The following AGRN variants were observed in gnomAD, a reference collection of about 807,000 sequenced individuals.
AGRN encodes agrin proteoglycan.
AGRN carries 106 observed loss-of-function variants against 211.0 expected under a neutral mutation model. That is an observed-to-expected ratio of 0.50 (90% CI 0.43 to 0.59). AGRN has a LOEUF of 0.59. Among genes scored for constraint, AGRN ranks in the 20% least tolerant of loss-of-function variants. The pLI, the probability that AGRN is intolerant of heterozygous loss-of-function variation, is 0.00. For synonymous variants in AGRN, 1,525 were observed against 1,332.5 expected (o/e 1.14, Z -3.15); for missense variants, 3,040 against 2,982.6 (o/e 1.02, Z -0.45).
rs1299760002 is a variant in AGRN, at chr1:1,052,162, G to A, written c.5651+347G>A. 2.2e-5 allele frequency: 23 copies of A among 1,046,660 alleles called. No homozygotes were observed. In the East Asian group the frequency reaches 5.7e-4, roughly 26 times the overall value. 64.8% of individuals were successfully genotyped at this position (1,046,660 alleles called of 1,614,324 possible). ...CGGCGCTATTTGGCTGCAAGAGGCC[G>A]TTTCCTGCCTCAGAAGTGCAGTCGC... On this transcript the variant is annotated intron_variant, in intron 33 of 35. Coordinates refer to ENST00000379370, the MANE Select transcript of AGRN (RefSeq NM_198576.4).
chr1:1,043,003 G>A (rs1266374468), intron 7 of AGRN, among the ~76,000 whole-genome samples: 4 of 152,032 alleles, frequency 2.6e-5, no homozygotes, highest in Non-Finnish European at 5.9e-5. Flanking sequence ...GAAGCCCCAA[G>A]CTTGGGGGCA....
At chr1:1,050,128 C>A in intron 27 of AGRN, 91 bp downstream of exon 27, 1 of 1,581,446 alleles carries the variant, frequency 6.3e-7, no homozygotes, top group Non-Finnish European at 8.7e-7. Flanking sequence ...AGTTAGGATG[C>A]GGCTCAGTCT....
chr1:1,053,993 A>G lies in AGRN; in HGVS notation c.5876+16A>G. On this transcript the variant is annotated intron_variant, in intron 34 of 35. Coordinates refer to ENST00000379370, the MANE Select transcript of AGRN (RefSeq NM_198576.4). ...TGGCACATAGGTGAGTAGGGAACCC[A>G]GCGTGCCGAGAATAGTGGCGAGGGC... The G allele has an allele frequency of 6.3e-7, 1 of 1,579,856 alleles. No individual in the cohort carries two copies. The highest frequency in any genetic ancestry group is 8.6e-7 in the Non-Finnish European group (1 of 1,163,358).
At chr1:1,030,849 G>A (rs1570158558) in intron 2 of AGRN, among the ~76,000 whole-genome samples, 3 of 108,672 alleles carry the variant, frequency 2.8e-5, no homozygotes, top group African/African-American at 1.2e-4. Flanking sequence ...TGAGATCAGC[G>A]TGTGTGTGTG....
At chr1:1,044,684 T>A (rs112924463) in intron 12 of AGRN, among the ~76,000 whole-genome samples, 3 of 152,256 alleles carry the variant, frequency 2.0e-5, no homozygotes, top group African/African-American at 7.2e-5. Context: ...GCGTGAACCA[T>A]GCGGGGCCCC....
In AGRN at chr1:1,047,231, C is replaced by T. The variant is rs576097835; in HGVS notation, c.3389-96C>T. ...GACCATCTGACTAACATCCACCTTC[C>T]CTTGCACCCTTGTGGCTTGCTGCTG... On this transcript the variant is annotated intron_variant, in intron 19 of 35. Transcript: ENST00000379370. The T allele has an allele frequency of 7.9e-6, 12 of 1,517,322 alleles. 1 individual carries two copies. The South Asian group carries it at 1.5e-4, about 19-fold the overall frequency. The allele number at this position is 1,517,322 out of a possible 1,614,324, so 94.0% of individuals were successfully genotyped here. A position where few individuals can be genotyped will look rare whatever the true frequency, so the allele number is the denominator to read the frequency against.
intron 17 of AGRN, 50 bp downstream of exon 17, chr1:1,046,315 T>C: frequency 6.2e-7 from 1 of 1,611,296 alleles, no homozygotes; most frequent in Non-Finnish European, 8.5e-7. Context: ...GGCCTGACGC[T>C]GCCCTAAATC....
intron 22 of AGRN, 55 bp downstream of exon 22, chr1:1,047,950 CT>C: frequency 3.2e-6 from 5 of 1,582,192 alleles, no homozygotes; most frequent in Non-Finnish European, 4.3e-6. Flanking sequence ...GCCCATGCCC[CT>C]GCCCCTCACC....
In AGRN at chr1:1,049,046, C is replaced by A. The variant is rs201346452; in HGVS notation, c.4285C>A (p.Arg1429Ser). 3 of 1,555,718 alleles carry A rather than the reference C, an allele frequency of 1.9e-6. No homozygotes were observed. Among genetic ancestry groups the A allele is most frequent in the Non-Finnish European group, 2.6e-6 (3 of 1,153,574 alleles). Reference protein sequence around the residue: ...DFLALALLDGRVQLRFDTGSG... With the variant: ...DFLALALLDGSVQLRFDTGSG... ...CCTGGCATTGGCGCTGCTAGATGGC[C>A]GCGTGCAGCTCAGGTGGGCGGGGAG... Residue 1429 changes from arginine to serine, a missense_variant, in exon 24 of 36, where the codon CGC (arginine) becomes AGC (serine). Physicochemically the swap from Arg to Ser is moderately radical, Grantham distance 110 (BLOSUM62 -1). Around this residue, in one of 3 missense-constraint regions of AGRN, gnomAD observed 1,537 missense variants for 1,505.0 expected, o/e 1.02. Coordinates refer to ENST00000379370, the MANE Select transcript of AGRN (RefSeq NM_198576.4).
At chr1:1,034,843 C>A in intron 2 of AGRN, 1 of 467,970 alleles carries the variant, frequency 2.1e-6, no homozygotes, top group Non-Finnish European at 3.0e-6. Context: ...GCGGACCCCT[C>A]GGTCCCTGGA....
rs1427729265 is a variant in AGRN, at chr1:1,054,915, G to A, written c.6072G>A (p.Arg2024=). Residue 2024 remains arginine (R), a synonymous_variant, in exon 36 of 36, where the codon CGG becomes CGA. Coordinates refer to ENST00000379370, the MANE Select transcript of AGRN (RefSeq NM_198576.4). The part of the protein sequence containing the change: ...VGCLRDVVVG[R]HPLHLLEDAV... ...GCTTGCGGGACGTGGTGGTGGGCCG[G>A]CACCCGCTGCACCTGCTGGAGGACG... is the stretch of plus-strand genomic sequence containing the variant. 1 of 1,548,390 alleles carries A rather than the reference G, an allele frequency of 6.5e-7. No individual in the cohort carries two copies.
At chr1:1,044,285 GGGCGGCGGGGACGGGGCTGC>G in intron 11 of AGRN, 28 bp downstream of exon 11, 1 of 1,612,464 alleles carries the variant, frequency 6.2e-7, no homozygotes, top group South Asian at 1.1e-5. Flanking sequence ...GGCTCTCGGC[GGGCGGCGGGGACGGGGCTGC>G]GGCCGCTCAC....
Position 1,041,632 on chromosome 1 carries a change from C to T in AGRN, c.1107C>T (p.Val369=), listed in dbSNP as rs369413947. Reference sequence around the variant, plus strand: ...GAGTCACCTACGAAAACGACTGTGTCATGGGCCGATCGGGGGCCGCCCGGG... The same window carrying T: ...GAGTCACCTACGAAAACGACTGTGTTATGGGCCGATCGGGGGCCGCCCGGG... The part of the protein sequence containing the change: ...DDGVTYENDC[V]MGRSGAARGL... Residue 369 remains valine (V), a synonymous_variant, in exon 6 of 36, where the codon GTC becomes GTT. Coordinates refer to ENST00000379370, the MANE Select transcript of AGRN (RefSeq NM_198576.4). The T allele has an allele frequency of 4.8e-4, 768 of 1,611,224 alleles. 3 individuals carry two copies. The highest frequency in any genetic ancestry group is 5.9e-4 in the Non-Finnish European group (701 of 1,179,184).
At chr1:1,023,688 G>A (rs1425335594) in intron 2 of AGRN, among the ~76,000 whole-genome samples, 1 of 152,178 alleles carries the variant, frequency 6.6e-6, no homozygotes, top group Non-Finnish European at 1.5e-5. Flanking sequence ...CCGAGAGTCC[G>A]TGACTTAGTA....
chr1:1,051,514 C>T lies in AGRN; in HGVS notation c.5432C>T (p.Thr1811Met), dbSNP rs748925084. ...CACGTGCTGCGGCAGGTGGACGTCA[C>T]GTCCTTTGCAGGTCACCCCTGCACC... is the stretch of plus-strand genomic sequence containing the variant. ...PEHVLRQVDV[T>M]SFAGHPCTRA... The change falls in exon 32 of 36, where the codon ACG (threonine) becomes ATG (methionine). Residue 1811 changes from threonine to methionine, a missense_variant. By Grantham distance (81) the Thr-to-Met change is moderately conservative. Coordinates refer to ENST00000379370, the MANE Select transcript of AGRN (RefSeq NM_198576.4). The T allele has an allele frequency of 1.9e-5, 30 of 1,567,162 alleles. No individual in the cohort carries two copies. Among genetic ancestry groups the T allele is most frequent in the African/African-American group, 2.7e-5 (2 of 74,286 alleles).
At position 1,041,623 on chromosome 1, in the gene AGRN, C is replaced by T. The variant is rs749162689; in HGVS notation, c.1098C>T (p.Asn366=). The T allele has an allele frequency of 3.1e-6, 5 of 1,611,294 alleles. No individual in the cohort carries two copies. Among genetic ancestry groups the T allele is most frequent in the East Asian group, 2.2e-5 (1 of 44,828 alleles). The change falls in exon 6 of 36, where the codon AAC becomes AAT. Residue 366 remains asparagine (N), a synonymous_variant. Coordinates refer to ENST00000379370, the MANE Select transcript of AGRN (RefSeq NM_198576.4). ...GGGACGACGGAGTCACCTACGAAAA[C>T]GACTGTGTCATGGGCCGATCGGGGG... ...VCGDDGVTYE[N]DCVMGRSGAA...
intron 3 of AGRN, among the ~76,000 whole-genome samples, chr1:1,038,725 T>C (rs1166728897): frequency 1.3e-5 from 2 of 152,070 alleles, no homozygotes; most frequent in Non-Finnish European, 1.5e-5. Flanking sequence ...GGGGGAACCA[T>C]TGGTCCACAG....
rs757150379 is a variant in AGRN, at chr1:1,051,498, C to T, written c.5416C>T (p.Arg1806Trp). ...RQLLTPEHVL[R>W]QVDVTSFAGH... ...GCTGCTGACCCCGGAGCACGTGCTG[C>T]GGCAGGTGGACGTCACGTCCTTTGC... Residue 1806 changes from arginine to tryptophan, a missense_variant, in exon 32 of 36, where the codon CGG becomes TGG. Arg to Trp is a moderately radical substitution (Grantham distance 101). Around this residue, in one of 3 missense-constraint regions of AGRN, gnomAD observed 1,537 missense variants for 1,505.0 expected, o/e 1.02. Coordinates refer to ENST00000379370, the MANE Select transcript of AGRN (RefSeq NM_198576.4). 46 of 1,567,564 alleles carry T rather than the reference C, an allele frequency of 2.9e-5. No homozygotes were observed. Among genetic ancestry groups the T allele is most frequent in the Admixed American group, 8.9e-5 (5 of 56,134 alleles).
intron 12 of AGRN, 87 bp downstream of exon 12, chr1:1,044,526 G>A (rs745386462): frequency 2.2e-4 from 302 of 1,355,406 alleles, no homozygotes; most frequent in Non-Finnish European, 2.9e-4. Flanking sequence ...CGTGTGCTGC[G>A]TTGGGCCCCT....
Sources: allele counts gnomAD v4.1 joint callset (sites outside exome capture counted in the v4.1 genomes callset), GRCh38; gene constraint gnomAD v4.1.1; regional missense constraint gnomAD v4.1.1; transcripts MANE v1.5; gene names NCBI Gene and HGNC (gene_info 2026-07-23, HGNC 2026-07-21).